ST6GALNAC3: variants seen among roughly 807,000 people sequenced by gnomAD.
The protein encoded by ST6GALNAC3 is ST6 N-acetylgalactosaminide alpha-2,6-sialyltransferase 3.
A neutral mutation model predicts 32.7 loss-of-function variants in ST6GALNAC3; 25 were observed. The observed-to-expected ratio is 0.76, with a 90% CI of 0.56 to 1.07. The LOEUF is 1.07. Among genes scored for constraint, ST6GALNAC3 ranks in the 50% least tolerant of loss-of-function variants. The pLI, the probability that ST6GALNAC3 is intolerant of heterozygous loss-of-function variation, is 0.00. For synonymous variants in ST6GALNAC3, 129 were observed against 133.1 expected (o/e 0.97, Z 0.21); for missense variants, 355 against 382.4 (o/e 0.93, Z 0.60).
intron 3 of ST6GALNAC3, among the ~76,000 whole-genome samples, chr1:76,571,407 A>G (rs1665851891): frequency 6.6e-6 from 1 of 152,044 alleles, no homozygotes; most frequent in Non-Finnish European, 1.5e-5. Flanking sequence ...TTCCGCACTT[A>G]TAAGGGACAG....
At chr1:76,351,388 T>A (rs1377027877) in intron 2 of ST6GALNAC3, among the ~76,000 whole-genome samples, 1 of 152,146 alleles carries the variant, frequency 6.6e-6, no homozygotes, top group African/African-American at 2.4e-5. Flanking sequence ...CCTTCCTGAG[T>A]CAGTTTTAAA....
chr1:76,636,112 C>T (rs1274612533), downstream of ST6GALNAC3, among the ~76,000 whole-genome samples: 1 of 152,074 alleles, frequency 6.6e-6, no homozygotes, highest in Non-Finnish European at 1.5e-5. Flanking sequence ...TATCAGTACC[C>T]ACATCAGAAC....
intron 1 of ST6GALNAC3, among the ~76,000 whole-genome samples, chr1:76,117,776 A>G (rs1276657383): frequency 1.3e-5 from 2 of 152,174 alleles, no homozygotes; most frequent in East Asian, 3.9e-4. Flanking sequence ...AGTGTAGTAT[A>G]TGGGATAAGA....
intron 1 of ST6GALNAC3, among the ~76,000 whole-genome samples, chr1:76,244,329 A>T (rs776865037): frequency 2.0e-5 from 3 of 152,192 alleles, no homozygotes; most frequent in Non-Finnish European, 2.9e-5. Context: ...GTTGCTTATC[A>T]GCGTAAGGAG....
intron 3 of ST6GALNAC3, among the ~76,000 whole-genome samples, chr1:76,620,515 C>G (rs1648568515): frequency 1.3e-5 from 2 of 152,042 alleles, no homozygotes; most frequent in South Asian, 4.1e-4. Flanking sequence ...ACCAGCATTA[C>G]AGGTTTCTGG....
At chr1:76,300,975 T>C (rs1016045910) in intron 1 of ST6GALNAC3, among the ~76,000 whole-genome samples, 3 of 151,984 alleles carry the variant, frequency 2.0e-5, no homozygotes, top group Admixed American at 2.0e-4. Flanking sequence ...GAATAGCTTA[T>C]GTAGGCAACC....
chr1:76,250,985 G>A (rs77787496), intron 1 of ST6GALNAC3, among the ~76,000 whole-genome samples: 3,403 of 152,066 alleles, frequency 0.022, 139 homozygotes, highest in African/African-American at 0.078. Flanking sequence ...TTGTAGCTTC[G>A]ACCTTTCTTC....
intron 3 of ST6GALNAC3, among the ~76,000 whole-genome samples, chr1:76,609,392 T>C (rs1298414966): frequency 6.6e-6 from 1 of 152,204 alleles, no homozygotes; most frequent in African/African-American, 2.4e-5. Context: ...AACAGAGGTG[T>C]TTTTTATTAG....
chr1:76,466,047 T>C (rs149478845), intron 3 of ST6GALNAC3, among the ~76,000 whole-genome samples: 1,875 of 152,242 alleles, frequency 0.012, 16 homozygotes, highest in Non-Finnish European at 0.019. Context: ...TGACTCTTGG[T>C]ATAAAGGATG....
chr1:76,486,118 T>G (rs1347807573), intron 3 of ST6GALNAC3, among the ~76,000 whole-genome samples: 2 of 152,224 alleles, frequency 1.3e-5, no homozygotes, highest in Non-Finnish European at 1.5e-5. Context: ...TTCTTTTACA[T>G]TTGCTAAGGA....
intron 3 of ST6GALNAC3, among the ~76,000 whole-genome samples, chr1:76,621,831 C>G (rs1341326583): frequency 6.6e-6 from 1 of 152,046 alleles, no homozygotes; most frequent in Non-Finnish European, 1.5e-5. Flanking sequence ...AGGAAGGTAT[C>G]TGAAAACTTA....
At chr1:76,393,080 G>A (rs913036917) in intron 2 of ST6GALNAC3, among the ~76,000 whole-genome samples, 2 of 152,064 alleles carry the variant, frequency 1.3e-5, no homozygotes, top group Non-Finnish European at 2.9e-5. Context: ...TACAAATAAC[G>A]CTTTGTATTT....
rs1367932652 is a variant in ST6GALNAC3 at position 76,509,646 on chromosome 1, G to C, written c.623+97229G>C. Among the ~76,000 whole-genome samples, 1 of 152,186 alleles carries C rather than the reference G, an allele frequency of 6.6e-6. No individual in the cohort carries two copies. Among genetic ancestry groups the C allele is most frequent in the East Asian group, 1.9e-4 (1 of 5,192 alleles). On this transcript the variant is annotated intron_variant, in intron 3 of 4. Transcript: ENST00000328299. This position sits in a 1 kb window ranked among gnomAD's most constrained non-coding sequence, Gnocchi z 5.5. Reference sequence around the variant, plus strand: ...AGTTATTTTATACAGTTCGAAGTTAGAAGTCTAAAATGGGTTGTTAGGGCT... The same window carrying C: ...AGTTATTTTATACAGTTCGAAGTTACAAGTCTAAAATGGGTTGTTAGGGCT...
At chr1:76,545,371 G>A (rs897257254) in intron 3 of ST6GALNAC3, among the ~76,000 whole-genome samples, 6 of 152,104 alleles carry the variant, frequency 3.9e-5, no homozygotes, top group African/African-American at 1.2e-4. Flanking sequence ...CATAAATATC[G>A]CCTCTTCCTG....
At chr1:76,411,058 G>A (rs569536786) in intron 2 of ST6GALNAC3, among the ~76,000 whole-genome samples, 1 of 152,246 alleles carries the variant, frequency 6.6e-6, no homozygotes, top group South Asian at 2.1e-4. Context: ...TGAGAAAGAT[G>A]TATATCAAAA....
At chr1:76,549,270 C>T (rs971863288) in intron 3 of ST6GALNAC3, among the ~76,000 whole-genome samples, 3 of 152,050 alleles carry the variant, frequency 2.0e-5, no homozygotes, top group Non-Finnish European at 4.4e-5. Flanking sequence ...TTGATGTCCC[C>T]GTGTCCCTTC....
chr1:76,359,450 A>G (rs901244800), intron 2 of ST6GALNAC3, among the ~76,000 whole-genome samples: 3 of 152,164 alleles, frequency 2.0e-5, no homozygotes, highest in African/African-American at 7.2e-5. Flanking sequence ...TTCACACAGG[A>G]AGAATGCTAT....
intron 1 of ST6GALNAC3, among the ~76,000 whole-genome samples, chr1:76,287,834 A>G (rs1472089848): frequency 2.0e-5 from 3 of 152,138 alleles, no homozygotes; most frequent in African/African-American, 7.2e-5. Flanking sequence ...AGTTAGCAAC[A>G]CTCTTCTAAG....
At chr1:76,459,257 A>G (rs949675375) in intron 3 of ST6GALNAC3, among the ~76,000 whole-genome samples, 1 of 152,184 alleles carries the variant, frequency 6.6e-6, no homozygotes, top group African/African-American at 2.4e-5. Context: ...ATGGCCCAGT[A>G]TACAGAGAAA....
Sources: gnomAD v4.1 joint callset for allele counts (sites outside exome capture counted in the v4.1 genomes callset) on GRCh38, gnomAD v4.1.1 for gene constraint, Gnocchi (gnomAD v3.1) non-coding constraint, MANE v1.5 for transcripts, NCBI Gene and HGNC (gene_info 2026-07-23, HGNC 2026-07-21) for gene names.